COL6A6: variants seen among roughly 807,000 people sequenced by gnomAD.
COL6A6 encodes the protein collagen alpha-6(VI) chain.
Under a neutral mutation model 208.6 loss-of-function variants are expected in COL6A6, and 183 were observed. The ratio of observed to expected loss-of-function variants is 0.88; its 90% CI spans 0.78 to 0.99. The LOEUF (loss-of-function observed/expected upper bound fraction) is 0.99. Among genes scored for constraint, COL6A6 ranks in the 50% least tolerant of loss-of-function variants. The probability of loss-of-function intolerance (pLI) is 0.00; values close to 1 mark genes in which losing one functional copy is unlikely to be tolerated. For missense variants in COL6A6, 2,816 were observed against 2,815.2 expected (o/e 1.00, Z -0.01); for synonymous variants, 973 against 1,011.8 (o/e 0.96, Z 0.73).
chr3:130,563,193 T>C lies in COL6A6; in HGVS notation c.190T>C (p.Tyr64His). 6.2e-7 allele frequency: 1 copy of C among 1,613,994 alleles called. No homozygotes were observed. Among genetic ancestry groups the C allele is most frequent in the East Asian group, 2.2e-5 (1 of 44,880 alleles). Residue 64 changes from tyrosine (Y) to histidine (H), a missense_variant, in exon 3 of 37, where the codon TAC becomes CAC. Transcript: ENST00000358511. The part of the protein sequence containing the change: ...ISSLPIEADK[Y>H]RVALAQYSDK... The stretch of plus-strand genomic sequence containing the variant: ...CAGTCTCCCCATAGAGGCCGACAAA[T>C]ACCGTGTGGCCCTGGCCCAGTACAG...
chr3:130,575,080 G>A (rs113327935), intron 8 of COL6A6, among the ~76,000 whole-genome samples: 1 of 152,072 alleles, frequency 6.6e-6, no homozygotes. Flanking sequence ...CTGTTATAAA[G>A]GTATCTTATG....
At chr3:130,593,884 A>G (rs1560040998) in intron 17 of COL6A6, among the ~76,000 whole-genome samples, 1 of 152,172 alleles carries the variant, frequency 6.6e-6, no homozygotes, top group Non-Finnish European at 1.5e-5. Flanking sequence ...AAATACCAAC[A>G]GCAGCCATAT....
intron 31 of COL6A6, among the ~76,000 whole-genome samples, chr3:130,643,411 G>T (rs537144705): frequency 6.6e-6 from 1 of 152,246 alleles, no homozygotes; most frequent in East Asian, 1.9e-4. Flanking sequence ...GTGATAATAG[G>T]GTGTCCTGGT....
chr3:130,589,797 A>G (rs545112280), intron 12 of COL6A6, among the ~76,000 whole-genome samples: 92 of 152,358 alleles, frequency 6.0e-4, no homozygotes, highest in African/African-American at 2.2e-3. Context: ...ACTTTAAGAA[A>G]TGTTTAAATA....
chr3:130,561,281 T>C (rs2062875795), intron 2 of COL6A6, among the ~76,000 whole-genome samples: 1 of 152,178 alleles, frequency 6.6e-6, no homozygotes, highest in Admixed American at 6.5e-5. Flanking sequence ...ACGGCAGGGC[T>C]CCCCTGGCAG....
chr3:130,677,002 G>C lies in COL6A6; in HGVS notation c.*1605G>C, dbSNP rs1047793105. 1 of 152,178 alleles carries C rather than the reference G, an allele frequency of 6.6e-6. No homozygotes were observed. Among genetic ancestry groups the C allele is most frequent in the Non-Finnish European group, 1.5e-5 (1 of 68,024 alleles). 9.4% of individuals were successfully genotyped at this position (152,178 alleles called of 1,614,324 possible). On this transcript the variant is annotated 3_prime_UTR_variant, in exon 37 of 37. Coordinates refer to ENST00000358511, the MANE Select transcript of COL6A6 (RefSeq NM_001102608.3). ...TTGGAAATACCATTAAGATGTATTT[G>C]TCTGTTTTTCTGCATTGGCAAGTAA...
Position 130,553,795 on chromosome 3 carries a change from A to C in COL6A6, c.-31-6539A>C, listed in dbSNP as rs949442009. On this transcript the variant is annotated intron_variant, in intron 1 of 36. Transcript: ENST00000358511. Reference sequence around the variant, plus strand: ...ATCTTTATGGGCTGATGTTCTTTGAATCCTTGAAGTTGCTGTCCTTTGAAT... The same window carrying C: ...ATCTTTATGGGCTGATGTTCTTTGACTCCTTGAAGTTGCTGTCCTTTGAAT... Among the ~76,000 whole-genome samples the C allele has an allele frequency of 4.0e-5, 6 of 148,218 alleles. No homozygotes were observed. The East Asian group carries it at 1.2e-3, about 29-fold the overall frequency.
upstream of COL6A6, among the ~76,000 whole-genome samples, chr3:130,517,066 C>T (rs1710771823): frequency 6.6e-6 from 1 of 152,222 alleles, no homozygotes; most frequent in African/African-American, 2.4e-5. Flanking sequence ...CTCCCTAAGG[C>T]TGCGCCCCCC....
Sources: gnomAD v4.1 joint callset for allele counts (sites outside exome capture counted in the v4.1 genomes callset) on GRCh38, gnomAD v4.1.1 for gene constraint, MANE v1.5 for transcripts, NCBI Gene and HGNC (gene_info 2026-07-23, HGNC 2026-07-21) for gene names.